The following EIPR1 variants were observed in gnomAD, a reference collection of about 807,000 sequenced individuals.
EIPR1 encodes the protein EARP complex and GARP complex interacting protein 1.
EIPR1 carries 25 observed loss-of-function variants against 48.1 expected under a neutral mutation model. The ratio of observed to expected loss-of-function variants is 0.52; its 90% confidence interval spans 0.38 to 0.73. EIPR1 has a LOEUF of 0.73. EIPR1 is among the 30% of genes least tolerant of loss of function. EIPR1 has a pLI of 0.00. For missense variants in EIPR1, 415 were observed against 506.2 expected (o/e 0.82, Z 1.73); for synonymous variants, 204 against 201.9 (o/e 1.01, Z -0.09).
At chr2:3,337,682 A>T (rs1361629031) in intron 3 of EIPR1, among the ~76,000 whole-genome samples, 1 of 152,152 alleles carries the variant, frequency 6.6e-6, no homozygotes. Flanking sequence ...ACACTACAGG[A>T]AAGAGATGAA....
chr2:3,300,557 T>C (rs1668734881), intron 3 of EIPR1, among the ~76,000 whole-genome samples: 2 of 152,150 alleles, frequency 1.3e-5, no homozygotes, highest in Admixed American at 1.3e-4. Context: ...GCCTCTCCAA[T>C]GTGTCCGTTT....
chr2:3,200,760 G>A (rs1665005086), intron 5 of EIPR1, among the ~76,000 whole-genome samples: 1 of 152,136 alleles, frequency 6.6e-6, no homozygotes, highest in Admixed American at 6.5e-5. Context: ...TCCGCGGTGA[G>A]TCTGGTAGGC....
intron 5 of EIPR1, among the ~76,000 whole-genome samples, chr2:3,200,433 T>G (rs1419666699): frequency 6.6e-6 from 1 of 152,112 alleles, no homozygotes; most frequent in Non-Finnish European, 1.5e-5. Flanking sequence ...GTGCCAAGGG[T>G]GACTTACTGA....
intron 3 of EIPR1, among the ~76,000 whole-genome samples, chr2:3,295,835 GCACA>G (rs1157220957): frequency 2.5e-5 from 1 of 39,546 alleles, no homozygotes; most frequent in Non-Finnish European, 4.8e-5. Flanking sequence ...TCCTCTCCCT[GCACA>G]CACACACCCT....
chr2:3,241,551 C>T (rs906970418), intron 4 of EIPR1, among the ~76,000 whole-genome samples: 5 of 152,166 alleles, frequency 3.3e-5, no homozygotes, highest in African/African-American at 9.7e-5. Context: ...CTCGCTACTC[C>T]AAACTAAGAC....
chr2:3,368,838 A>G (rs76841046), intron 1 of EIPR1, among the ~76,000 whole-genome samples: 2 of 152,234 alleles, frequency 1.3e-5, no homozygotes, highest in Non-Finnish European at 2.9e-5. Context: ...TTATAAAAAA[A>G]TCCAGAATCA....
At chr2:3,290,795 G>A (rs1668341403) in intron 3 of EIPR1, among the ~76,000 whole-genome samples, 1 of 152,208 alleles carries the variant, frequency 6.6e-6, no homozygotes, top group South Asian at 2.1e-4. Context: ...CGGTCATCTG[G>A]GTCTTTCGCG....
rs1558303652 is a variant in EIPR1 at position 3,331,182 on chromosome 2, CACTCATATGGTGTGAGCAGAGGCAGGT to C, written c.259+6808_259+6834del. Among the ~76,000 whole-genome samples the C allele has an allele frequency of 1.9e-4, 16 of 85,846 alleles. 1 individual carries two copies. In the East Asian group the frequency reaches 0.015, roughly 81 times the overall value. 56.3% of individuals were successfully genotyped at this position (85,846 alleles called of 152,430 possible). A position where few individuals can be genotyped will look rare whatever the true frequency, so the allele number is the denominator to read the frequency against. On this transcript the variant is annotated intron_variant, in intron 3 of 8. Transcript: ENST00000382125. ...GATGGTGTGAGCAGAGGCAGGTGTA[CACTCATATGGTGTGAGCAGAGGCAGGT>C]GTGTATACACTCATGAGATGTGTCA...
chr2:3,250,079 G>C (rs116509234), intron 4 of EIPR1, among the ~76,000 whole-genome samples: 2,122 of 152,326 alleles, frequency 0.014, 45 homozygotes, highest in African/African-American at 0.049. Flanking sequence ...TCCCCACAGA[G>C]TCCCCATTAG....
rs926806338 is a variant in EIPR1, at chr2:3,244,226, T to C, written c.416+13073A>G. 4.6e-5 allele frequency among the ~76,000 whole-genome samples: 7 copies of C among 152,214 alleles called. No individual in the cohort carries two copies. The East Asian group carries it at 1.3e-3, about 29-fold the overall frequency. On this transcript the variant is annotated intron_variant, in intron 4 of 8. Coordinates refer to ENST00000382125, the MANE Select transcript of EIPR1 (RefSeq NM_003310.5). ...TCATAACACATTTCTAGGTAAAATG[T>C]GCTGTCTAAAACCTGAACAGCAGTT... is the stretch of plus-strand genomic sequence containing the variant.
At chr2:3,297,292 C>T (rs997633219) in intron 3 of EIPR1, among the ~76,000 whole-genome samples, 1 of 152,230 alleles carries the variant, frequency 6.6e-6, no homozygotes, top group Non-Finnish European at 1.5e-5. Context: ...TAAAAGAAGG[C>T]TGAGTGGCAT....
chr2:3,264,791 G>A (rs574325732), intron 3 of EIPR1, among the ~76,000 whole-genome samples: 6 of 152,272 alleles, frequency 3.9e-5, no homozygotes, highest in African/African-American at 1.4e-4. Flanking sequence ...GGGTTCAAGC[G>A]ATTCTCCTGC....
chr2:3,209,574 C>T (rs1665369154), intron 5 of EIPR1, among the ~76,000 whole-genome samples: 1 of 152,180 alleles, frequency 6.6e-6, no homozygotes, highest in Admixed American at 6.5e-5. Context: ...CTTCAGCATC[C>T]AAGTCATCTC....
At chr2:3,279,015 T>C (rs1315238500) in intron 3 of EIPR1, among the ~76,000 whole-genome samples, 1 of 152,222 alleles carries the variant, frequency 6.6e-6, no homozygotes, top group Non-Finnish European at 1.5e-5. Context: ...CAGTGACATC[T>C]GCTTGACATC....
chr2:3,369,238 A>C (rs1449614490), intron 1 of EIPR1, among the ~76,000 whole-genome samples: 1 of 152,216 alleles, frequency 6.6e-6, no homozygotes, highest in Non-Finnish European at 1.5e-5. Context: ...CTCAGAAAAT[A>C]ATATTTCAGG....
chr2:3,244,103 A>G (rs1666723273), intron 4 of EIPR1, among the ~76,000 whole-genome samples: 1 of 152,216 alleles, frequency 6.6e-6, no homozygotes, highest in Non-Finnish European at 1.5e-5. Flanking sequence ...CAGGTGGGAG[A>G]GCACGGCTGC....
At chr2:3,208,741 C>G (rs560949144) in intron 5 of EIPR1, 2 of 1,544,766 alleles carry the variant, frequency 1.3e-6, no homozygotes, top group East Asian at 2.5e-5. Flanking sequence ...CGTGGCGGGT[C>G]CTTCTGTGAG....
At chr2:3,314,967 G>A (rs1446217860) in intron 3 of EIPR1, among the ~76,000 whole-genome samples, 1 of 151,760 alleles carries the variant, frequency 6.6e-6, no homozygotes, top group African/African-American at 2.4e-5. Context: ...TGTCCACACA[G>A]CATCTTCTGC....
Position 3,189,896 on chromosome 2 carries a change from A to G in EIPR1, c.990-388T>C, listed in dbSNP as rs3749090. On this transcript the variant is annotated intron_variant, in intron 8 of 8. Transcript: ENST00000382125. This position sits in a 1 kb window ranked among gnomAD's most constrained non-coding sequence, Gnocchi z 4.6. Reference sequence around the variant, plus strand: ...GAAGTAGTCACCGTGTCTGGGTAACACAGGATGTAAACGCCCCTATTGCTT... The same window carrying G: ...GAAGTAGTCACCGTGTCTGGGTAACGCAGGATGTAAACGCCCCTATTGCTT... 1.8e-4 allele frequency among the ~76,000 whole-genome samples: 28 copies of G among 152,230 alleles called. No individual in the cohort carries two copies. In the East Asian group the frequency reaches 5.2e-3, roughly 28 times the overall value.
Sources: allele counts gnomAD v4.1 joint callset (sites outside exome capture counted in the v4.1 genomes callset), GRCh38; gene constraint gnomAD v4.1.1; non-coding constraint Gnocchi (gnomAD v3.1); transcripts MANE v1.5; gene names NCBI Gene and HGNC (gene_info 2026-07-23, HGNC 2026-07-21).